RPTOR: variants seen among roughly 807,000 people sequenced by gnomAD.
The protein encoded by RPTOR is regulatory-associated protein of mTOR.
Under a neutral mutation model 169.9 loss-of-function variants are expected in RPTOR, and 21 were observed. The observed-to-expected ratio is 0.12, with a 90% confidence interval of 0.09 to 0.18. RPTOR has a LOEUF of 0.18. RPTOR is among the 10% of genes least tolerant of loss of function. The pLI is 1.00. For synonymous variants in RPTOR, 732 were observed against 753.2 expected (o/e 0.97, Z 0.46); for missense variants, 1,133 against 1,855.9 (o/e 0.61, Z 7.16).
At chr17:80,588,726 G>A (rs2065082136) in intron 1 of RPTOR, among the ~76,000 whole-genome samples, 1 of 152,078 alleles carries the variant, frequency 6.6e-6, no homozygotes, top group Non-Finnish European at 1.5e-5. Context: ...TACCTGTTGA[G>A]GATTTTTGCC....
intron 17 of RPTOR, among the ~76,000 whole-genome samples, chr17:80,889,860 T>TGTGCGGCCTCCGAGGGAGGCTCCCGTAC (rs2068296306): frequency 1.8e-5 from 1 of 56,984 alleles, no homozygotes; most frequent in Non-Finnish European, 3.3e-5. Context: ...GGCCCCCGTA[T>TGTGCGGCCTCCGAGGGAGGCTCCCGTAC]GCAGCAGGAT....
intron 17 of RPTOR, among the ~76,000 whole-genome samples, chr17:80,887,823 C>G (rs2068267423): frequency 6.6e-6 from 1 of 152,222 alleles, no homozygotes; most frequent in South Asian, 2.1e-4. Flanking sequence ...GTTTAATGAG[C>G]TTACTTGACA....
At chr17:80,751,229 G>A (rs573336565) in intron 5 of RPTOR, among the ~76,000 whole-genome samples, 7 of 152,278 alleles carry the variant, frequency 4.6e-5, no homozygotes, top group Admixed American at 2.6e-4. Flanking sequence ...GAGAGGGCTC[G>A]GCAGCTTTCG....
Position 80,950,019 on chromosome 17 carries a change from G to A in RPTOR, c.3370+472G>A, listed in dbSNP as rs1268017417. 7.9e-5 allele frequency among the ~76,000 whole-genome samples: 12 copies of A among 152,328 alleles called. No homozygotes were observed. The East Asian group carries it at 9.7e-4, about 12-fold the overall frequency. ...GGTGGGACGGAGTGGCTGCAGTGCCGGCTCTGGGTACAGTTCTGCGTGTTG... is the reference window on the plus strand; with the variant it reads ...GGTGGGACGGAGTGGCTGCAGTGCCAGCTCTGGGTACAGTTCTGCGTGTTG... On this transcript the variant is annotated intron_variant, in intron 28 of 33. Coordinates refer to ENST00000306801, the MANE Select transcript of RPTOR (RefSeq NM_020761.3).
At chr17:80,918,497 G>GAGTCATAGCCACGAGCACCCTCGCC (rs2068705141) in intron 21 of RPTOR, among the ~76,000 whole-genome samples, 10 of 103,108 alleles carry the variant, frequency 9.7e-5, no homozygotes, top group African/African-American at 3.2e-4. Context: ...CACCCTCGCG[G>GAGTCATAGCCACGAGCACCCTCGCC]GGGTCATAGC....
chr17:80,672,257 TG>T (rs1446126901), intron 3 of RPTOR, among the ~76,000 whole-genome samples: 1 of 152,166 alleles, frequency 6.6e-6, no homozygotes, highest in Non-Finnish European at 1.5e-5. Context: ...AATTAAAGTT[TG>T]TTCACTCACA....
intron 25 of RPTOR, among the ~76,000 whole-genome samples, chr17:80,944,540 G>A (rs531815703): frequency 1.4e-4 from 21 of 152,338 alleles, no homozygotes; most frequent in African/African-American, 5.1e-4. Flanking sequence ...CTCAGTGGCT[G>A]CCGTCACCCC....
chr17:80,859,486 T>TA, intron 13 of RPTOR, among the ~76,000 whole-genome samples: 1 of 152,222 alleles, frequency 6.6e-6, no homozygotes, highest in Non-Finnish European at 1.5e-5. Context: ...ACGTGTGTGA[T>TA]ACAGAGCTGG....
At chr17:80,870,024 G>A (rs1449124360) in intron 13 of RPTOR, among the ~76,000 whole-genome samples, 8 of 152,182 alleles carry the variant, frequency 5.3e-5, no homozygotes, top group Non-Finnish European at 1.2e-4. Flanking sequence ...GTTAGCATTT[G>A]TGTATCTGCT....
intron 1 of RPTOR, among the ~76,000 whole-genome samples, chr17:80,596,902 A>G (rs1334241058): frequency 6.6e-6 from 1 of 152,156 alleles, no homozygotes; most frequent in African/African-American, 2.4e-5. Context: ...GCATTTTAGC[A>G]GCTGTTTTTA....
At chr17:80,712,602 T>A (rs531195690) in intron 4 of RPTOR, among the ~76,000 whole-genome samples, 1 of 152,356 alleles carries the variant, frequency 6.6e-6, no homozygotes, top group South Asian at 2.1e-4. Context: ...TCTGAACTTC[T>A]GACAATTAGG....
In RPTOR at chr17:80,960,355, C is replaced by G; in HGVS notation, c.3605+150C>G. Reference sequence around the variant, plus strand: ...CTGCAGTGGCGTATTTAGGCCAGTCCTGGGCTCCCCAAAGCCGCCAGGCCC... The same window carrying G: ...CTGCAGTGGCGTATTTAGGCCAGTCGTGGGCTCCCCAAAGCCGCCAGGCCC... On this transcript the variant is annotated intron_variant, in intron 30 of 33. Transcript: ENST00000306801. The surrounding 1 kb of genome is among the most constrained non-coding windows in gnomAD (Gnocchi z 4.8). The G allele has an allele frequency of 9.0e-7, 1 of 1,113,650 alleles. No homozygotes were observed. The highest frequency in any genetic ancestry group is 1.3e-6 in the Non-Finnish European group (1 of 787,388). The allele number at this position is 1,113,650 out of a possible 1,614,324, so 69.0% of individuals were successfully genotyped here. A position where few individuals can be genotyped will look rare whatever the true frequency, so the allele number is the denominator to read the frequency against.
intron 13 of RPTOR, among the ~76,000 whole-genome samples, chr17:80,877,463 G>T (rs950872631): frequency 6.6e-6 from 1 of 152,214 alleles, no homozygotes; most frequent in Non-Finnish European, 1.5e-5. Flanking sequence ...GCCAGACTCC[G>T]ATACCAAGGG....
chr17:80,949,528 C>T lies in RPTOR; in HGVS notation c.3351C>T (p.Asp1117=), dbSNP rs760760990. ...EMVTAWQGLS[D]MLPTTRGAGM... is the part of the protein sequence containing the mutation. ...TGACCGCGTGGCAGGGGCTCTCGGACATGCTGCCAACGACGCGAGGTGGGT... is the reference window on the plus strand; with the variant it reads ...TGACCGCGTGGCAGGGGCTCTCGGATATGCTGCCAACGACGCGAGGTGGGT... The change falls in exon 28 of 34, where the codon GAC becomes GAT. Residue 1117 remains aspartate (D), a synonymous_variant. Coordinates refer to ENST00000306801, the MANE Select transcript of RPTOR (RefSeq NM_020761.3). 6.2e-7 allele frequency: 1 copy of T among 1,614,014 alleles called. No homozygotes were observed. Among genetic ancestry groups the T allele is most frequent in the Non-Finnish European group, 8.5e-7 (1 of 1,180,002 alleles).
At chr17:80,575,896 T>C (rs2143334063) in intron 1 of RPTOR, among the ~76,000 whole-genome samples, 1 of 152,348 alleles carries the variant, frequency 6.6e-6, no homozygotes, top group Non-Finnish European at 1.5e-5. Flanking sequence ...TTCATTTATA[T>C]TTTGAGGCCA....
intron 9 of RPTOR, among the ~76,000 whole-genome samples, chr17:80,828,971 A>G (rs1332051601): frequency 2.0e-5 from 3 of 152,258 alleles, no homozygotes; most frequent in Non-Finnish European, 4.4e-5. Context: ...TAAAATACAT[A>G]GTACACACAG....
chr17:80,722,427 TAA>T (rs1323740646), intron 4 of RPTOR, among the ~76,000 whole-genome samples: 5 of 150,724 alleles, frequency 3.3e-5, no homozygotes, highest in Non-Finnish European at 7.4e-5. Flanking sequence ...CCCCTGACGA[TAA>T]GTTTTTAAGG....
intron 4 of RPTOR, among the ~76,000 whole-genome samples, chr17:80,714,908 A>G (rs1567871860): frequency 6.6e-6 from 1 of 152,132 alleles, no homozygotes; most frequent in Non-Finnish European, 1.5e-5. Context: ...TTTTTAGTAG[A>G]GATGGGGTTT....
chr17:80,587,773 T>C lies in RPTOR; in HGVS notation c.163-37918T>C, dbSNP rs370201796. ...TAACAACCATCACCACACATATGTA[T>C]CTTTTTTTTTTTTGGTGGTGAGACC... On this transcript the variant is annotated intron_variant, in intron 1 of 33. Coordinates refer to ENST00000306801, the MANE Select transcript of RPTOR (RefSeq NM_020761.3). Among the ~76,000 whole-genome samples, 4 of 145,158 alleles carry C rather than the reference T, an allele frequency of 2.8e-5. No individual in the cohort carries two copies. The East Asian group carries it at 6.3e-4, about 23-fold the overall frequency.
Sources: allele counts gnomAD v4.1 joint callset (sites outside exome capture counted in the v4.1 genomes callset), GRCh38; gene constraint gnomAD v4.1.1; non-coding constraint Gnocchi (gnomAD v3.1); transcripts MANE v1.5; gene names NCBI Gene and HGNC (gene_info 2026-07-23, HGNC 2026-07-21).